ASTN2: variants seen among roughly 807,000 people sequenced by gnomAD.
The protein encoded by ASTN2 is astrotactin 2, also known as astrotactin-2.
A neutral mutation model predicts 139.8 loss-of-function variants in ASTN2; 54 were observed. That is an observed-to-expected ratio of 0.39 (90% CI 0.31 to 0.48). ASTN2 has a LOEUF of 0.48. ASTN2 is among the 20% of genes least tolerant of loss of function. The pLI is 0.95. For missense variants in ASTN2, 1,565 were observed against 1,725.1 expected (o/e 0.91, Z 1.64); for synonymous variants, 756 against 719.5 (o/e 1.05, Z -0.81).
intron 16 of ASTN2, among the ~76,000 whole-genome samples, chr9:116,704,202 G>A (rs1048726684): frequency 2.2e-4 from 33 of 151,944 alleles, no homozygotes; most frequent in African/African-American, 7.7e-4. Flanking sequence ...TAAGGGTGTT[G>A]GTATGTCACC....
At chr9:117,308,308 CATT>C (rs1379926996) in intron 1 of ASTN2, among the ~76,000 whole-genome samples, 6 of 152,150 alleles carry the variant, frequency 3.9e-5, no homozygotes, top group African/African-American at 1.2e-4. Context: ...TACAGCCAGA[CATT>C]ATGCTTATCA....
At chr9:116,953,148 AT>A (rs1308311515) in intron 10 of ASTN2, among the ~76,000 whole-genome samples, 10 of 152,172 alleles carry the variant, frequency 6.6e-5, no homozygotes, top group African/African-American at 2.4e-4. Context: ...AAATAACAGC[AT>A]TTATTAGCTG....
chr9:116,487,631 A>C, intron 19 of ASTN2, 131 bp from the exon 20 acceptor site: 1 of 927,312 alleles, frequency 1.1e-6, no homozygotes, highest in Admixed American at 3.1e-5. Context: ...AAAGCAAAAG[A>C]TATGAAAATG....
chr9:116,999,502 G>T (rs1316538694), intron 7 of ASTN2, among the ~76,000 whole-genome samples: 1 of 149,170 alleles, frequency 6.7e-6, no homozygotes, highest in Non-Finnish European at 1.5e-5. Context: ...AAGATTGAAG[G>T]TTAGTAATTA....
chr9:116,536,070 T>C (rs1235516842), intron 19 of ASTN2, among the ~76,000 whole-genome samples: 2 of 151,672 alleles, frequency 1.3e-5, no homozygotes, highest in African/African-American at 4.9e-5. Context: ...TATTCTCTTT[T>C]CTCTAAACTT....
chr9:117,375,758 GCAAA>G (rs1350918428), intron 1 of ASTN2, among the ~76,000 whole-genome samples: 4 of 152,132 alleles, frequency 2.6e-5, no homozygotes, highest in Admixed American at 1.3e-4. Flanking sequence ...ATAAAACAGT[GCAAA>G]CAGTTTTGCA....
At position 116,620,462 on chromosome 9, in the gene ASTN2, C is replaced by T. The variant is rs1399269550; in HGVS notation, c.3073-19G>A. ...TGAAGGCCTGGACAAAAAAAGAGGA[C>T]AGAATAGACAATGATGACAACAGGG... On this transcript the variant is annotated intron_variant, in intron 17 of 22. Coordinates refer to ENST00000313400, the MANE Select transcript of ASTN2 (RefSeq NM_001365068.1). The T allele has an allele frequency of 6.2e-7, 1 of 1,613,816 alleles. No homozygotes were observed. The highest frequency in any genetic ancestry group is 2.2e-5 in the East Asian group (1 of 44,876).
At chr9:117,145,983 C>A (rs1301905281) in intron 3 of ASTN2, among the ~76,000 whole-genome samples, 1 of 152,144 alleles carries the variant, frequency 6.6e-6, no homozygotes, top group Non-Finnish European at 1.5e-5. Flanking sequence ...GCAAGGGTTT[C>A]TAATCCCCAC....
At chr9:116,454,987 T>G (rs1348286227) in intron 20 of ASTN2, among the ~76,000 whole-genome samples, 1 of 151,544 alleles carries the variant, frequency 6.6e-6, no homozygotes, top group African/African-American at 2.4e-5. Context: ...TGTATACATA[T>G]GTAACAAACC....
At chr9:116,645,975 T>C (rs1475221213) in intron 17 of ASTN2, among the ~76,000 whole-genome samples, 19 of 152,236 alleles carry the variant, frequency 1.2e-4, no homozygotes, top group Admixed American at 1.2e-3. Flanking sequence ...CTATCATAGA[T>C]AACATTCGTC....
chr9:116,677,240 A>G (rs1434333805), intron 16 of ASTN2, among the ~76,000 whole-genome samples: 1 of 151,980 alleles, frequency 6.6e-6, no homozygotes. Flanking sequence ...CATACATGAG[A>G]GGCACTAAGA....
chr9:116,915,360 A>G (rs1834413507), intron 10 of ASTN2, among the ~76,000 whole-genome samples: 1 of 152,174 alleles, frequency 6.6e-6, no homozygotes, highest in Admixed American at 6.5e-5. Flanking sequence ...TGTGGACATA[A>G]TAAGAACTAT....
chr9:116,923,559 T>C (rs1275977681), intron 10 of ASTN2, among the ~76,000 whole-genome samples: 6 of 152,236 alleles, frequency 3.9e-5, no homozygotes, highest in South Asian at 2.1e-4. Flanking sequence ...TTTTGTGATA[T>C]GACTTGGTGT....
chr9:117,108,511 A>G (rs528367904), intron 4 of ASTN2, among the ~76,000 whole-genome samples: 56 of 150,554 alleles, frequency 3.7e-4, no homozygotes, highest in Non-Finnish European at 7.6e-4. Flanking sequence ...TAATGTGCCT[A>G]GAAGTGGACA....
chr9:117,287,689 T>C (rs1834485081), intron 2 of ASTN2, among the ~76,000 whole-genome samples: 1 of 152,210 alleles, frequency 6.6e-6, no homozygotes, highest in Non-Finnish European at 1.5e-5. Context: ...TCAGGTATTA[T>C]GATTATTTCT....
intron 2 of ASTN2, among the ~76,000 whole-genome samples, chr9:117,259,509 C>T (rs965093939): frequency 5.3e-5 from 8 of 152,106 alleles, no homozygotes; most frequent in East Asian, 1.9e-4. Context: ...TAATAAGAAA[C>T]GTATACAATC....
At chr9:117,241,475 G>A (rs1026079221) in intron 2 of ASTN2, among the ~76,000 whole-genome samples, 3 of 152,092 alleles carry the variant, frequency 2.0e-5, no homozygotes, top group Non-Finnish European at 2.9e-5. Flanking sequence ...ATTTTTCCAT[G>A]GACTTATGGG....
chr9:117,264,590 C>T lies in ASTN2; in HGVS notation c.630+26736G>A, dbSNP rs1049298963. Among the ~76,000 whole-genome samples, 15 of 152,112 alleles carry T rather than the reference C, an allele frequency of 9.9e-5. No homozygotes were observed. In the East Asian group the frequency reaches 1.4e-3, roughly 14 times the overall value. On this transcript the variant is annotated intron_variant, in intron 2 of 22. Transcript: ENST00000313400. ...AGGTCAGAGCTTTCAATCTTACTTC[C>T]GAATATACAAGAGGAAAAGTTAGGG...
chr9:116,504,397 A>G (rs1850018138), intron 19 of ASTN2: 1 of 152,158 alleles, frequency 6.6e-6, no homozygotes, highest in South Asian at 2.1e-4. Flanking sequence ...GGAAGGTAAG[A>G]TGGGAGAGAC....
Sources: gnomAD v4.1 joint callset for allele counts (sites outside exome capture counted in the v4.1 genomes callset) on GRCh38, gnomAD v4.1.1 for gene constraint, MANE v1.5 for transcripts, NCBI Gene and HGNC (gene_info 2026-07-23, HGNC 2026-07-21) for gene names.